The following PRKCB variants were observed in gnomAD, a reference collection of about 807,000 sequenced individuals.
PRKCB encodes the protein protein kinase C beta.
Under a neutral mutation model 81.5 loss-of-function variants are expected in PRKCB, and 13 were observed. That is an observed-to-expected ratio of 0.16 (90% CI 0.10 to 0.25). The LOEUF (loss-of-function observed/expected upper bound fraction) is 0.25, where lower values mean the gene tolerates loss of function less well. Among genes scored for constraint, PRKCB ranks in the 10% least tolerant of loss-of-function variants. PRKCB has a pLI of 1.00. For missense variants in PRKCB, 509 were observed against 875.7 expected (o/e 0.58, Z 5.29); for synonymous variants, 335 against 321.4 (o/e 1.04, Z -0.45).
At chr16:24,066,640 GATAT>G in intron 5 of PRKCB, among the ~76,000 whole-genome samples, 1 of 150,222 alleles carries the variant, frequency 6.7e-6, no homozygotes, top group African/African-American at 2.5e-5. Flanking sequence ...TTTTTTTCAC[GATAT>G]TCTTAGTGTA....
intron 7 of PRKCB, among the ~76,000 whole-genome samples, chr16:24,105,112 A>G (rs1421439279): frequency 6.6e-6 from 1 of 150,880 alleles, no homozygotes; most frequent in Non-Finnish European, 1.5e-5. Flanking sequence ...GCTGGAGTGC[A>G]GTGGCACGAT....
chr16:23,849,417 C>A (rs988208070), intron 2 of PRKCB, among the ~76,000 whole-genome samples: 1 of 152,154 alleles, frequency 6.6e-6, no homozygotes, highest in Non-Finnish European at 1.5e-5. Flanking sequence ...TATTGAAGAT[C>A]TTCTTTCCCT....
chr16:23,865,209 A>G lies in PRKCB; in HGVS notation c.205+27803A>G, dbSNP rs540192042. ...AATGGGTAAATTTCCTTTGCACACAACCTCACAAGATTGAACGAGGAAGAA... is the reference window on the plus strand; with the variant it reads ...AATGGGTAAATTTCCTTTGCACACAGCCTCACAAGATTGAACGAGGAAGAA... On this transcript the variant is annotated intron_variant, in intron 2 of 16. Transcript: ENST00000643927. Among the ~76,000 whole-genome samples the G allele has an allele frequency of 1.3e-5, 2 of 151,612 alleles. 1 individual carries two copies. Among genetic ancestry groups the G allele is most frequent in the South Asian group, 4.2e-4 (2 of 4,802 alleles).
intron 5 of PRKCB, among the ~76,000 whole-genome samples, chr16:24,069,455 G>C (rs1184785507): frequency 1.3e-5 from 2 of 152,168 alleles, no homozygotes; most frequent in African/African-American, 2.4e-5. Flanking sequence ...TTAAAACAGT[G>C]CCTGGGTCTG....
At chr16:23,971,673 C>T (rs564887785) in intron 2 of PRKCB, among the ~76,000 whole-genome samples, 2 of 152,292 alleles carry the variant, frequency 1.3e-5, no homozygotes, top group South Asian at 4.1e-4. Flanking sequence ...TCAGGGTTTC[C>T]TCTCTTACTT....
chr16:23,882,025 C>CTTTCTCTTTCTTT (rs1597226197), intron 2 of PRKCB, among the ~76,000 whole-genome samples: 45 of 18,332 alleles, frequency 2.5e-3, no homozygotes, highest in East Asian at 0.01. Flanking sequence ...TTTCTTTCTT[C>CTTTCTCTTTCTTT]CTTCCTTCCT....
chr16:24,172,118 C>T, intron 10 of PRKCB, 152 bp from the exon 11 acceptor site: 1 of 640,460 alleles, frequency 1.6e-6, no homozygotes, highest in African/African-American at 1.8e-5. Flanking sequence ...TGACACAAAC[C>T]TTACCCTTGG....
intron 2 of PRKCB, among the ~76,000 whole-genome samples, chr16:23,879,506 TTTTTTTTTTTTTG>T (rs1257986353): frequency 1.8e-4 from 5 of 27,134 alleles, no homozygotes; most frequent in African/African-American, 6.6e-4. Flanking sequence ...TTTTTTTTTT[TTTTTTTTTTTTTG>T]AGACGGAGCC....
intron 9 of PRKCB, among the ~76,000 whole-genome samples, chr16:24,143,280 G>T (rs572751769): frequency 2.8e-4 from 43 of 152,118 alleles, no homozygotes; most frequent in Admixed American, 2.6e-3. Flanking sequence ...TTACAGATGT[G>T]CACCACCACA....
At chr16:24,009,589 C>CT (rs1965174225) in intron 3 of PRKCB, among the ~76,000 whole-genome samples, 1 of 132,218 alleles carries the variant, frequency 7.6e-6, no homozygotes, top group Non-Finnish European at 1.7e-5. Context: ...CACGCCCGGC[C>CT]TATTTTTTTT....
intron 5 of PRKCB, among the ~76,000 whole-genome samples, chr16:24,085,475 A>G (rs1355248841): frequency 6.6e-6 from 1 of 152,222 alleles, no homozygotes; most frequent in Non-Finnish European, 1.5e-5. Context: ...TGTGCCTTAC[A>G]TTCCACTTTG....
intron 5 of PRKCB, among the ~76,000 whole-genome samples, chr16:24,050,155 G>T (rs1414775711): frequency 6.6e-6 from 1 of 152,174 alleles, no homozygotes; most frequent in East Asian, 1.9e-4. Context: ...TTCAAAGATG[G>T]TTCATAGGTG....
At chr16:24,149,502 T>C (rs1253217218) in intron 9 of PRKCB, among the ~76,000 whole-genome samples, 1 of 152,194 alleles carries the variant, frequency 6.6e-6, no homozygotes, top group Non-Finnish European at 1.5e-5. Context: ...TCTGTCAGCT[T>C]TACCTACTGA....
Position 24,214,905 on chromosome 16 carries a change from G to A in PRKCB, c.*89G>A. ...TTTTTATGTTTTTCATTGCCAAGTT[G>A]CATCCATGTTTGATTTTCTGATGAG... is the stretch of plus-strand genomic sequence containing the variant. On this transcript the variant is annotated 3_prime_UTR_variant, in exon 17 of 17. Coordinates refer to ENST00000643927, the MANE Select transcript of PRKCB (RefSeq NM_002738.7). 1 of 1,557,572 alleles carries A rather than the reference G, an allele frequency of 6.4e-7. No homozygotes were observed. Among genetic ancestry groups the A allele is most frequent in the Non-Finnish European group, 8.7e-7 (1 of 1,154,748 alleles).
chr16:24,052,563 G>C (rs528061362), intron 5 of PRKCB, among the ~76,000 whole-genome samples: 20 of 152,258 alleles, frequency 1.3e-4, no homozygotes, highest in African/African-American at 4.8e-4. Flanking sequence ...GAGTTTTCTG[G>C]GAAAGGGGTG....
At chr16:24,173,713 C>T (rs1967483415) in intron 11 of PRKCB, among the ~76,000 whole-genome samples, 1 of 152,200 alleles carries the variant, frequency 6.6e-6, no homozygotes, top group Admixed American at 6.5e-5. Flanking sequence ...CTCTTGAAAC[C>T]TCTTTCTTTC....
intron 3 of PRKCB, among the ~76,000 whole-genome samples, chr16:24,001,941 A>C (rs1027633985): frequency 6.6e-6 from 1 of 152,188 alleles, no homozygotes; most frequent in Non-Finnish European, 1.5e-5. Flanking sequence ...CTTGCAAGAT[A>C]CTTTTCCATT....
At chr16:24,096,666 AATATATAT>A (rs58341820) in intron 7 of PRKCB, among the ~76,000 whole-genome samples, 40 of 32,610 alleles carry the variant, frequency 1.2e-3, no homozygotes, top group African/African-American at 2.8e-3. Flanking sequence ...AAAAAAAAAA[AATATATAT>A]ATATATATAT....
rs187066068 is a variant in PRKCB, at chr16:23,837,601, T to C, written c.205+195T>C. 1.5e-3 allele frequency among the ~76,000 whole-genome samples: 224 copies of C among 151,912 alleles called. 1 individual carries two copies. Among genetic ancestry groups the C allele is most frequent in the African/African-American group, 5.1e-3 (212 of 41,414 alleles). ...GACTGGGGCCGATGGCGCTTGGGAG[T>C]CTTACATGCCAAGGAAGTTCACCTA... On this transcript the variant is annotated intron_variant, in intron 2 of 16. Transcript: ENST00000643927.
Sources: allele counts gnomAD v4.1 joint callset (sites outside exome capture counted in the v4.1 genomes callset), GRCh38; gene constraint gnomAD v4.1.1; transcripts MANE v1.5; gene names NCBI Gene and HGNC (gene_info 2026-07-23, HGNC 2026-07-21).